The following CCSER1 variants were observed in gnomAD, a reference collection of about 807,000 sequenced individuals.
CCSER1 encodes serine-rich coiled-coil domain-containing protein 1.
CCSER1 carries 41 observed loss-of-function variants against 82.0 expected under a neutral mutation model. The ratio of observed to expected loss-of-function variants is 0.50; its 90% CI spans 0.39 to 0.65. The LOEUF (loss-of-function observed/expected upper bound fraction) is 0.65, where lower values mean the gene tolerates loss of function less well. CCSER1 is among the 30% of genes least tolerant of loss of function. CCSER1 has a pLI of 0.00. For synonymous variants in CCSER1, 414 were observed against 383.9 expected, an observed-to-expected ratio of 1.08 and a Z score of -0.92; for missense variants, 1,119 against 1,064.2, an observed-to-expected ratio of 1.05 and a Z score of -0.72.
At chr4:90,346,795 C>T (rs1040380304) in intron 3 of CCSER1, among the ~76,000 whole-genome samples, 1 of 151,992 alleles carries the variant, frequency 6.6e-6, no homozygotes, top group Non-Finnish European at 1.5e-5. Flanking sequence ...AATGAAATTA[C>T]AAAGAATTGT....
chr4:91,468,030 C>G (rs1310196198), intron 10 of CCSER1, among the ~76,000 whole-genome samples: 1 of 152,154 alleles, frequency 6.6e-6, no homozygotes, highest in South Asian at 2.1e-4. Flanking sequence ...ATAAATCATG[C>G]TGCTATAAAG....
chr4:90,247,390 A>G (rs1721624008), intron 1 of CCSER1, among the ~76,000 whole-genome samples: 1 of 152,178 alleles, frequency 6.6e-6, no homozygotes, highest in Non-Finnish European at 1.5e-5. Flanking sequence ...ATTCACAACA[A>G]TATCGGAATA....
chr4:90,763,850 T>A (rs1261328919), intron 7 of CCSER1, among the ~76,000 whole-genome samples: 2 of 152,192 alleles, frequency 1.3e-5, no homozygotes, highest in African/African-American at 4.8e-5. Flanking sequence ...TCTTCTCCTA[T>A]CTACTTTAGG....
At chr4:90,727,212 G>T (rs926003041) in intron 7 of CCSER1, 3 of 455,336 alleles carry the variant, frequency 6.6e-6, no homozygotes, top group Non-Finnish European at 1.3e-5. Context: ...AGAATATTCA[G>T]CATTATATCA....
intron 10 of CCSER1, among the ~76,000 whole-genome samples, chr4:91,510,570 T>G (rs1759760748): frequency 6.6e-6 from 1 of 152,192 alleles, no homozygotes; most frequent in Non-Finnish European, 1.5e-5. Context: ...ATTTGCATTC[T>G]CTGATGACGA....
chr4:90,544,714 T>G (rs1335726489), intron 5 of CCSER1, among the ~76,000 whole-genome samples: 3 of 152,006 alleles, frequency 2.0e-5, no homozygotes, highest in Non-Finnish European at 4.4e-5. Flanking sequence ...CCCTAATTCC[T>G]ATTGTTAGAG....
At chr4:90,767,813 G>A (rs1015221375) in intron 7 of CCSER1, among the ~76,000 whole-genome samples, 1 of 152,022 alleles carries the variant, frequency 6.6e-6, no homozygotes, top group Non-Finnish European at 1.5e-5. Flanking sequence ...AACTACAGGT[G>A]TGTGCCACCA....
intron 3 of CCSER1, among the ~76,000 whole-genome samples, chr4:90,373,321 T>C (rs1406670421): frequency 6.6e-6 from 1 of 152,146 alleles, no homozygotes; most frequent in East Asian, 1.9e-4. Context: ...TTTCTAGAAA[T>C]AATGCTTTAT....
At chr4:91,237,768 A>G (rs1739130321) in intron 10 of CCSER1, among the ~76,000 whole-genome samples, 2 of 152,198 alleles carry the variant, frequency 1.3e-5, no homozygotes, top group Admixed American at 6.5e-5. Flanking sequence ...GGAAATGTAG[A>G]AAGAAATTTT....
intron 5 of CCSER1, among the ~76,000 whole-genome samples, chr4:90,540,056 T>C (rs1775911879): frequency 1.3e-5 from 2 of 152,082 alleles, no homozygotes; most frequent in Non-Finnish European, 2.9e-5. Context: ...CGGAGCAAAT[T>C]AGTTTGTGCA....
chr4:90,940,006 A>G (rs1731402651), intron 9 of CCSER1, among the ~76,000 whole-genome samples: 1 of 152,130 alleles, frequency 6.6e-6, no homozygotes, highest in Non-Finnish European at 1.5e-5. Context: ...CTTAAATTAA[A>G]GCACTCCCCT....
chr4:90,736,010 G>A (rs569222467), intron 7 of CCSER1, among the ~76,000 whole-genome samples: 2 of 152,160 alleles, frequency 1.3e-5, no homozygotes, highest in Admixed American at 6.5e-5. Context: ...AATTTGTACA[G>A]TTTCCAAAAT....
At chr4:90,888,342 T>C (rs1325116668) in intron 8 of CCSER1, among the ~76,000 whole-genome samples, 1 of 152,160 alleles carries the variant, frequency 6.6e-6, no homozygotes, top group Non-Finnish European at 1.5e-5. Context: ...TTCTACTCTT[T>C]ATGCTTTAAT....
In CCSER1 at chr4:90,974,235, G is replaced by C. The variant is rs186330762; in HGVS notation, c.2172+50788G>C. Among the ~76,000 whole-genome samples, 138 of 151,448 alleles carry C rather than the reference G, an allele frequency of 9.1e-4. 3 individuals carry two copies. The highest frequency in any genetic ancestry group is 3.3e-3 in the African/African-American group (135 of 41,338). On this transcript the variant is annotated intron_variant, in intron 9 of 10. Coordinates refer to ENST00000509176, the MANE Select transcript of CCSER1 (RefSeq NM_001145065.2). Reference sequence around the variant, plus strand: ...GTTCTCAATATCTACAAAAAAGTATGTGGGGTGATGTATATGTTAATTGTC... The same window carrying C: ...GTTCTCAATATCTACAAAAAAGTATCTGGGGTGATGTATATGTTAATTGTC...
chr4:90,924,626 A>G (rs1728818188), intron 9 of CCSER1, among the ~76,000 whole-genome samples: 2 of 152,164 alleles, frequency 1.3e-5, no homozygotes, highest in Non-Finnish European at 1.5e-5. Flanking sequence ...AAAAGAAATA[A>G]TTTTATGGTC....
chr4:91,342,022 T>C (rs1747754787), intron 10 of CCSER1, among the ~76,000 whole-genome samples: 1 of 152,198 alleles, frequency 6.6e-6, no homozygotes, highest in South Asian at 2.1e-4. Context: ...CAATTAAATC[T>C]AATCAGAGGG....
chr4:91,546,673 C>T (rs1374729046), intron 10 of CCSER1, among the ~76,000 whole-genome samples: 2 of 151,934 alleles, frequency 1.3e-5, no homozygotes, highest in African/African-American at 2.4e-5. Context: ...ATTGATTTTA[C>T]ATAAAATCAG....
In CCSER1 at chr4:90,845,354, C is replaced by T. The variant is rs138778675; in HGVS notation, c.2094+29509C>T. Among the ~76,000 whole-genome samples the T allele has an allele frequency of 4.5e-3, 599 of 134,470 alleles. 6 individuals are homozygous for T. Among genetic ancestry groups the T allele is most frequent in the African/African-American group, 0.016 (565 of 34,642 alleles). The allele number at this position is 134,470 out of a possible 152,430, so 88.2% of individuals were successfully genotyped here. A position where few individuals can be genotyped will look rare whatever the true frequency, so the allele number is the denominator to read the frequency against. On this transcript the variant is annotated intron_variant, in intron 8 of 10. Coordinates refer to ENST00000509176, the MANE Select transcript of CCSER1 (RefSeq NM_001145065.2). ...TCCAGCCTGGTGACAGAGTGAGACG[C>T]CATCTAAAAAAAAAAAAAAAAAAAA...
At chr4:91,360,284 G>T (rs1043305232) in intron 10 of CCSER1, among the ~76,000 whole-genome samples, 1 of 151,512 alleles carries the variant, frequency 6.6e-6, no homozygotes, top group African/African-American at 2.4e-5. Flanking sequence ...ACACATGATT[G>T]CATAAAAATA....
Sources: gnomAD v4.1 joint callset for allele counts (sites outside exome capture counted in the v4.1 genomes callset) on GRCh38, gnomAD v4.1.1 for gene constraint, MANE v1.5 for transcripts, NCBI Gene and HGNC (gene_info 2026-07-23, HGNC 2026-07-21) for gene names.